The following RASGRF1 variants were observed in gnomAD, a reference collection of about 807,000 sequenced individuals.
The protein encoded by RASGRF1 is Ras protein specific guanine nucleotide releasing factor 1.
In RASGRF1, 40 loss-of-function variants were observed where a neutral mutation model predicts 138.7. The observed-to-expected ratio is 0.29, with a 90% CI of 0.22 to 0.38. The LOEUF (loss-of-function observed/expected upper bound fraction) is 0.38. Ranked by LOEUF, RASGRF1 falls within the 10% of genes least tolerant of loss-of-function variation. RASGRF1 has a pLI of 1.00. For missense variants in RASGRF1, 1,108 were observed against 1,650.4 expected (o/e 0.67, Z 5.69); for synonymous variants, 614 against 663.2 (o/e 0.93, Z 1.14).
At chr15:79,068,617 C>T (rs200567811) in intron 1 of RASGRF1, among the ~76,000 whole-genome samples, 5 of 117,126 alleles carry the variant, frequency 4.3e-5, no homozygotes, top group African/African-American at 7.9e-5. Context: ...TGTATATATA[C>T]ACACACACAC....
At chr15:79,031,184 G>C (rs1233598236) in intron 8 of RASGRF1, among the ~76,000 whole-genome samples, 1 of 152,172 alleles carries the variant, frequency 6.6e-6, no homozygotes, top group Non-Finnish European at 1.5e-5. Flanking sequence ...GCCAGGGATA[G>C]CACAGCACCC....
chr15:79,050,444 T>C lies in RASGRF1; in HGVS notation c.532-856A>G, dbSNP rs910196594. 4.6e-5 allele frequency among the ~76,000 whole-genome samples: 7 copies of C among 152,240 alleles called. No individual in the cohort carries two copies. The highest frequency in any genetic ancestry group is 4.6e-4 in the Admixed American group (7 of 15,288). ...CCTTTATTTTTCAAACAAAATTGTATCTGGATATAAATCAGATAGAGCAGG... is the reference window on the plus strand; with the variant it reads ...CCTTTATTTTTCAAACAAAATTGTACCTGGATATAAATCAGATAGAGCAGG... On this transcript the variant is annotated intron_variant, in intron 3 of 26. Coordinates refer to ENST00000558480, the MANE Select transcript of RASGRF1 (RefSeq NM_001145648.3). This position sits in a 1 kb window ranked among gnomAD's most constrained non-coding sequence, Gnocchi z 4.1.
At chr15:78,999,967 C>T in intron 16 of RASGRF1, 54 bp from the exon 17 acceptor site, 1 of 1,573,976 alleles carries the variant, frequency 6.4e-7, no homozygotes, top group Non-Finnish European at 8.7e-7. Context: ...ACTCCTCAGG[C>T]TGTTAGAAAA....
rs369005284 is a variant in RASGRF1, at chr15:79,045,811, C to T, written c.878+935G>A. Among the ~76,000 whole-genome samples, 66 of 152,318 alleles carry T rather than the reference C, an allele frequency of 4.3e-4. No homozygotes were observed. The South Asian group carries it at 0.014, about 32-fold the overall frequency. ...AGAGAAGGACACAGGGAAGGTGGCC[C>T]TGGGTCCCAAATATTCATGCAGAGG... is the stretch of plus-strand genomic sequence containing the variant. On this transcript the variant is annotated intron_variant, in intron 5 of 26. Transcript: ENST00000558480.
At chr15:79,019,895 G>T (rs2056934712) in intron 11 of RASGRF1, 146 bp downstream of exon 11, 1 of 877,930 alleles carries the variant, frequency 1.1e-6, no homozygotes. Flanking sequence ...CAGGGTGTGT[G>T]CATGAGGGCA....
At chr15:79,089,918 A>G (rs2058031132) in intron 1 of RASGRF1, among the ~76,000 whole-genome samples, 1 of 152,106 alleles carries the variant, frequency 6.6e-6, no homozygotes, top group Non-Finnish European at 1.5e-5. Flanking sequence ...TCTGGTCCTT[A>G]GGACCCCATC....
intron 13 of RASGRF1, among the ~76,000 whole-genome samples, chr15:79,014,900 G>C (rs575807645): frequency 8.2e-5 from 12 of 146,818 alleles, no homozygotes; most frequent in Admixed American, 6.9e-4. Context: ...CTGGGTGACA[G>C]AGCAAGACTT....
chr15:78,986,638 C>T (rs373429010), intron 22 of RASGRF1, among the ~76,000 whole-genome samples: 9 of 151,936 alleles, frequency 5.9e-5, no homozygotes, highest in South Asian at 2.1e-4. Flanking sequence ...TGAGCCACCG[C>T]GCCCGGCCTT....
At chr15:78,965,439 G>A (rs1448095361) in intron 26 of RASGRF1, among the ~76,000 whole-genome samples, 4 of 151,962 alleles carry the variant, frequency 2.6e-5, no homozygotes, top group Non-Finnish European at 5.9e-5. Flanking sequence ...GAAACCAACC[G>A]TTACTCATGT....
rs141767671 is a variant in RASGRF1, at chr15:78,999,807, G to A, written c.2682C>T (p.Thr894=). The A allele has an allele frequency of 9.3e-6, 15 of 1,614,150 alleles. No individual in the cohort carries two copies. The African/African-American group carries it at 9.3e-5, about 10-fold the overall frequency. The change falls in exon 17 of 27, where the codon ACC becomes ACT. Residue 894 remains threonine, a synonymous_variant. Coordinates refer to ENST00000558480, the MANE Select transcript of RASGRF1 (RefSeq NM_001145648.3). The part of the protein sequence containing the change: ...LSAASAFAIA[T]AGANEGTPNK... ...TTGGGGTGCCCTCGTTGGCCCCGGC[G>A]GTTGCTATGGCAAAGGCAGAGGCGG...
At chr15:79,010,024 CTT>C (rs1359186092) in intron 13 of RASGRF1, among the ~76,000 whole-genome samples, 3 of 143,822 alleles carry the variant, frequency 2.1e-5, no homozygotes, top group Non-Finnish European at 4.6e-5. Flanking sequence ...CACCCAGCCT[CTT>C]TGTTTGTTTT....
In RASGRF1 at chr15:79,032,546, C is replaced by T. The variant is rs938447107; in HGVS notation, c.959-230G>A. ...CATTAGAATCACAGACTCTTAGAGA[C>T]GTGGGGCCCTGTCTAGTCGACACTT... On this transcript the variant is annotated intron_variant, in intron 6 of 26. Transcript: ENST00000558480. This position sits in a 1 kb window ranked among gnomAD's most constrained non-coding sequence, Gnocchi z 4.5. 1.3e-5 allele frequency among the ~76,000 whole-genome samples: 2 copies of T among 152,166 alleles called. No individual in the cohort carries two copies. The highest frequency in any genetic ancestry group is 1.5e-5 in the Non-Finnish European group (1 of 68,026).
intron 10 of RASGRF1, among the ~76,000 whole-genome samples, chr15:79,021,977 C>T (rs542954378): frequency 6.6e-6 from 1 of 151,056 alleles, no homozygotes; most frequent in South Asian, 2.1e-4. Flanking sequence ...ACTTACTCCT[C>T]ACAGCACTCC....
intron 1 of RASGRF1, among the ~76,000 whole-genome samples, chr15:79,082,552 C>G (rs1028993111): frequency 6.6e-6 from 1 of 152,182 alleles, no homozygotes; most frequent in Non-Finnish European, 1.5e-5. Flanking sequence ...ACAACCCAAC[C>G]TACCCTGACC....
At chr15:79,002,971 G>A (rs1459197746) in intron 15 of RASGRF1, among the ~76,000 whole-genome samples, 6 of 152,224 alleles carry the variant, frequency 3.9e-5, no homozygotes, top group South Asian at 4.1e-4. Context: ...TGTGCTAACC[G>A]AGACAATGCT....
chr15:79,001,220 G>A (rs11631754), intron 16 of RASGRF1, among the ~76,000 whole-genome samples: 14,151 of 151,768 alleles, frequency 0.093, 963 homozygotes, highest in African/African-American at 0.19. Flanking sequence ...GCAGAGCCTG[G>A]CACTCAGTTC....
Position 79,046,057 on chromosome 15 carries a change from A to G in RASGRF1, c.878+689T>C, listed in dbSNP as rs1245151590. Among the ~76,000 whole-genome samples the G allele has an allele frequency of 6.6e-6, 1 of 152,218 alleles. No homozygotes were observed. The highest frequency in any genetic ancestry group is 2.4e-5 in the African/African-American group (1 of 41,448). ...CATTTCCTTTTAAAAAGAAGTTGAC[A>G]GCAGAAGAGCAGCCGTCAGCACAGC... On this transcript the variant is annotated intron_variant, in intron 5 of 26. Coordinates refer to ENST00000558480, the MANE Select transcript of RASGRF1 (RefSeq NM_001145648.3). This position sits in a 1 kb window ranked among gnomAD's most constrained non-coding sequence, Gnocchi z 5.3.
intron 24 of RASGRF1, 83 bp downstream of exon 24, chr15:78,980,537 C>T: frequency 8.8e-7 from 1 of 1,140,198 alleles, no homozygotes; most frequent in Non-Finnish European, 1.3e-6. Context: ...ACCTCCTGCT[C>T]TGGCTGGGGG....
intron 1 of RASGRF1, among the ~76,000 whole-genome samples, chr15:79,065,209 T>C (rs1442684319): frequency 6.6e-6 from 1 of 152,178 alleles, no homozygotes; most frequent in African/African-American, 2.4e-5. Flanking sequence ...ACTACTGTCA[T>C]GGAGGTAAGA....
Sources: allele counts gnomAD v4.1 joint callset (sites outside exome capture counted in the v4.1 genomes callset), GRCh38; gene constraint gnomAD v4.1.1; non-coding constraint Gnocchi (gnomAD v3.1); transcripts MANE v1.5; gene names NCBI Gene and HGNC (gene_info 2026-07-23, HGNC 2026-07-21).